Variants in CCDC178 observed in about 807,000 individuals in gnomAD.
CCDC178 encodes the protein coiled-coil domain-containing protein 178.
Under a neutral mutation model 117.4 loss-of-function variants are expected in CCDC178, and 126 were observed. The ratio of observed to expected loss-of-function variants is 1.07; its 90% CI spans 0.93 to 1.24. CCDC178 has a LOEUF of 1.24. Ranked by LOEUF, CCDC178 falls within the 50% of genes most tolerant of loss-of-function variation. The pLI, the probability that CCDC178 is intolerant of heterozygous loss-of-function variation, is 0.00. For missense variants in CCDC178, 1,030 were observed against 986.9 expected, an observed-to-expected ratio of 1.04 and a Z score of -0.59; for synonymous variants, 283 against 313.4, an observed-to-expected ratio of 0.90 and a Z score of 1.02.
intron 15 of CCDC178, among the ~76,000 whole-genome samples, chr18:33,238,890 G>A (rs368062402): frequency 5.0e-4 from 76 of 152,074 alleles, no homozygotes; most frequent in African/African-American, 1.6e-3. Context: ...GAAAAGCATC[G>A]TCACATATAA....
At position 33,333,530 on chromosome 18, in the gene CCDC178, T is replaced by C. The variant is rs537797639; in HGVS notation, c.659-136A>G. ...ACTTTTTTTTTTTTTTTTTTTTTTT[T>C]CCGAGATGGAGTTTCGCTCTTGTTG... On this transcript the variant is annotated intron_variant, in intron 9 of 22. Transcript: ENST00000383096. 1.7e-3 allele frequency: 765 copies of C among 440,796 alleles called. 3 individuals are homozygous for C. The highest frequency in any genetic ancestry group is 2.2e-3 in the Non-Finnish European group (583 of 270,748). The allele number at this position is 440,796 out of a possible 1,614,324, so 27.3% of individuals were successfully genotyped here. A position where few individuals can be genotyped will look rare whatever the true frequency, so the allele number is the denominator to read the frequency against.
intron 2 of CCDC178, among the ~76,000 whole-genome samples, chr18:33,429,975 T>C (rs2064185365): frequency 6.6e-6 from 1 of 152,226 alleles, no homozygotes; most frequent in African/African-American, 2.4e-5. Flanking sequence ...AACTTTGTTT[T>C]CAATGCAAGT....
chr18:33,034,726 C>T (rs548577152), intron 21 of CCDC178, among the ~76,000 whole-genome samples: 1 of 152,076 alleles, frequency 6.6e-6, no homozygotes, highest in South Asian at 2.1e-4. Context: ...TTTCCAGATC[C>T]TAGCCTGAAA....
rs544120567 is a variant in CCDC178 at position 33,192,633 on chromosome 18, G to A, written c.2238+19263C>T. Among the ~76,000 whole-genome samples, 92 of 152,292 alleles carry A rather than the reference G, an allele frequency of 6.0e-4. 1 individual carries two copies. The highest frequency in any genetic ancestry group is 2.1e-3 in the African/African-American group (88 of 41,562). ...TCCTCTCTATGGGCCCTGCGCGGTGGCTCACGCCTGTAATCCTAGCACTTT... is the reference window on the plus strand; with the variant it reads ...TCCTCTCTATGGGCCCTGCGCGGTGACTCACGCCTGTAATCCTAGCACTTT... On this transcript the variant is annotated intron_variant, in intron 20 of 22. Transcript: ENST00000383096.
intron 22 of CCDC178, among the ~76,000 whole-genome samples, chr18:32,945,763 CTT>C (rs1449483932): frequency 6.6e-6 from 1 of 151,892 alleles, no homozygotes; most frequent in Non-Finnish European, 1.5e-5. Context: ...ATGTTTGTGT[CTT>C]GTTTTTACCA....
chr18:33,075,336 A>G (rs2057185366), intron 21 of CCDC178, among the ~76,000 whole-genome samples: 1 of 152,256 alleles, frequency 6.6e-6, no homozygotes, highest in African/African-American at 2.4e-5. Flanking sequence ...GCCTATGTTT[A>G]TTGGCCATCT....
At chr18:33,058,284 A>G (rs902768086) in intron 21 of CCDC178, among the ~76,000 whole-genome samples, 8 of 152,246 alleles carry the variant, frequency 5.3e-5, no homozygotes, top group African/African-American at 1.9e-4. Flanking sequence ...AAAAAATGTG[A>G]TCTATCCATG....
At chr18:33,099,808 T>C (rs1567988009) in intron 20 of CCDC178, among the ~76,000 whole-genome samples, 1 of 152,042 alleles carries the variant, frequency 6.6e-6, no homozygotes, top group Admixed American at 6.6e-5. Context: ...ATAACTGTTT[T>C]AACTCTCCCA....
At chr18:33,345,162 T>C (rs1568164139) in intron 9 of CCDC178, among the ~76,000 whole-genome samples, 1 of 152,106 alleles carries the variant, frequency 6.6e-6, no homozygotes, top group Non-Finnish European at 1.5e-5. Context: ...AAATGATAGA[T>C]CATATATGGG....
At chr18:33,232,863 G>A (rs2059382854) in intron 15 of CCDC178, among the ~76,000 whole-genome samples, 1 of 152,042 alleles carries the variant, frequency 6.6e-6, no homozygotes, top group South Asian at 2.1e-4. Context: ...TACTACAAAA[G>A]CAGAAGTCTC....
intron 14 of CCDC178, among the ~76,000 whole-genome samples, chr18:33,264,172 T>C (rs2059785759): frequency 6.6e-6 from 1 of 152,142 alleles, no homozygotes; most frequent in Non-Finnish European, 1.5e-5. Flanking sequence ...ACATTTGTAA[T>C]GTAATATATA....
intron 20 of CCDC178, among the ~76,000 whole-genome samples, chr18:33,196,054 T>A (rs560347876): frequency 6.6e-6 from 1 of 152,274 alleles, no homozygotes; most frequent in South Asian, 2.1e-4. Flanking sequence ...TGCTAGACAG[T>A]CAAATAATGG....
chr18:33,071,025 C>T (rs1246935638), intron 21 of CCDC178, among the ~76,000 whole-genome samples: 6 of 151,996 alleles, frequency 3.9e-5, no homozygotes, highest in African/African-American at 1.4e-4. Context: ...AAATAAACAG[C>T]TCTGCTAAAA....
intron 8 of CCDC178, among the ~76,000 whole-genome samples, chr18:33,347,584 G>A (rs2062914136): frequency 6.6e-6 from 1 of 151,908 alleles, no homozygotes; most frequent in South Asian, 2.1e-4. Flanking sequence ...AAAATTAATT[G>A]TCTTTTTTAA....
chr18:33,063,619 A>G (rs1351610165), intron 21 of CCDC178, among the ~76,000 whole-genome samples: 1 of 151,946 alleles, frequency 6.6e-6, no homozygotes, highest in Non-Finnish European at 1.5e-5. Context: ...ACCACTACAC[A>G]CGCTGTACAC....
intron 11 of CCDC178, among the ~76,000 whole-genome samples, chr18:33,306,548 G>A (rs1335187814): frequency 1.4e-5 from 2 of 140,136 alleles, no homozygotes; most frequent in South Asian, 4.5e-4. Context: ...ATAATATATG[G>A]TTATATATAT....
Position 32,958,713 on chromosome 18 carries a change from A to G in CCDC178, c.2523+15834T>C, listed in dbSNP as rs575490470. On this transcript the variant is annotated intron_variant, in intron 22 of 22. Coordinates refer to ENST00000383096, the MANE Select transcript of CCDC178 (RefSeq NM_001105528.4). ...AGTCTATACATTCTGTAGTGTAATG[A>G]CAATGTCCTTTGAGCTTTCCTGACT... Among the ~76,000 whole-genome samples, 13 of 152,310 alleles carry G rather than the reference A, an allele frequency of 8.5e-5. No individual in the cohort carries two copies. In the South Asian group the frequency reaches 2.7e-3, roughly 32 times the overall value.
chr18:33,397,279 T>A, intron 3 of CCDC178, 71 bp from the exon 4 acceptor site: 1 of 987,126 alleles, frequency 1.0e-6, no homozygotes, highest in Non-Finnish European at 1.6e-6. Flanking sequence ...TATATTGCAC[T>A]AGTAAGGATA....
intron 22 of CCDC178, among the ~76,000 whole-genome samples, chr18:32,953,478 A>T (rs936267600): frequency 6.6e-6 from 1 of 152,260 alleles, no homozygotes; most frequent in African/African-American, 2.4e-5. Context: ...TCCTGTTACC[A>T]AGTTCCAAAG....
Sources: gnomAD v4.1 joint callset for allele counts (sites outside exome capture counted in the v4.1 genomes callset) on GRCh38, gnomAD v4.1.1 for gene constraint, MANE v1.5 for transcripts, NCBI Gene and HGNC (gene_info 2026-07-23, HGNC 2026-07-21) for gene names.